MAST4: variants seen among roughly 807,000 people sequenced by gnomAD.
The protein encoded by MAST4 is microtubule associated serine/threonine kinase family member 4.
A neutral mutation model predicts 162.7 loss-of-function variants in MAST4; 89 were observed. The ratio of observed to expected loss-of-function variants is 0.55; its 90% CI spans 0.46 to 0.65. The LOEUF (loss-of-function observed/expected upper bound fraction) is 0.65. MAST4 is among the 30% of genes least tolerant of loss of function. The pLI, the probability that MAST4 is intolerant of heterozygous loss-of-function variation, is 0.00. For synonymous variants in MAST4, 1,479 were observed against 1,361.1 expected, an observed-to-expected ratio of 1.09 and a Z score of -1.91; for missense variants, 3,153 against 3,374.0, an observed-to-expected ratio of 0.93 and a Z score of 1.62.
intron 1 of MAST4, among the ~76,000 whole-genome samples, chr5:66,756,975 A>C (rs1753578080): frequency 6.6e-6 from 1 of 152,228 alleles, no homozygotes; most frequent in South Asian, 2.1e-4. Flanking sequence ...TTGTGGACTA[A>C]CAGCTCATGT....
At chr5:67,149,766 G>A (rs1771577498) in intron 24 of MAST4, among the ~76,000 whole-genome samples, 177 bp downstream of exon 24, 1 of 152,214 alleles carries the variant, frequency 6.6e-6, no homozygotes. Flanking sequence ...TGCAGGATTT[G>A]TAGGGCCGCC....
chr5:66,791,674 G>A (rs924576650), intron 3 of MAST4, among the ~76,000 whole-genome samples: 1 of 152,148 alleles, frequency 6.6e-6, no homozygotes, highest in African/African-American at 2.4e-5. Context: ...TATTTCTGTT[G>A]TTGTTATTGT....
At chr5:66,853,487 C>T (rs1020576537) in intron 3 of MAST4, among the ~76,000 whole-genome samples, 2 of 152,050 alleles carry the variant, frequency 1.3e-5, no homozygotes, top group South Asian at 4.1e-4. Flanking sequence ...GGGTTTGTCC[C>T]TTCTTGTTAG....
Position 67,090,157 on chromosome 5 carries a change from T to C in MAST4, c.764-5T>C, listed in dbSNP as rs1169198482. 3 of 1,601,792 alleles carry C rather than the reference T, an allele frequency of 1.9e-6. No homozygotes were observed. Among genetic ancestry groups the C allele is most frequent in the Non-Finnish European group, 2.6e-6 (3 of 1,169,600 alleles). Reference sequence around the variant, plus strand: ...AGTAAATTTCTCTCTTTTCTCTTTCTCTAGGAAATAGCCCTCAAGATAGTC... The same window carrying C: ...AGTAAATTTCTCTCTTTTCTCTTTCCCTAGGAAATAGCCCTCAAGATAGTC... On this transcript the variant is annotated splice_region_variant and splice_polypyrimidine_tract_variant and intron_variant, in intron 5 of 28. Coordinates refer to ENST00000403625, the MANE Select transcript of MAST4 (RefSeq NM_001164664.2).
chr5:67,002,736 C>T (rs562452041), intron 4 of MAST4, among the ~76,000 whole-genome samples: 1 of 151,926 alleles, frequency 6.6e-6, no homozygotes, highest in East Asian at 1.9e-4. Flanking sequence ...TATTATGGAC[C>T]CCATATTGCA....
intron 3 of MAST4, among the ~76,000 whole-genome samples, chr5:66,878,845 C>T (rs545304774): frequency 4.6e-5 from 7 of 152,214 alleles, no homozygotes; most frequent in Non-Finnish European, 8.8e-5. Flanking sequence ...TTTTTGTCTC[C>T]GTTGGCTTTA....
chr5:66,603,103 G>C (rs117522079), intron 1 of MAST4, among the ~76,000 whole-genome samples: 1 of 152,308 alleles, frequency 6.6e-6, no homozygotes, highest in East Asian at 1.9e-4. Context: ...AAACCTACAA[G>C]TCCCTTGCCT....
chr5:67,120,141 A>G (rs892395503), intron 13 of MAST4, among the ~76,000 whole-genome samples: 5 of 152,138 alleles, frequency 3.3e-5, no homozygotes, highest in African/African-American at 1.2e-4. Flanking sequence ...TGAAGAGGTC[A>G]AGTAGCCTGG....
rs1763880421 is a variant in MAST4 at position 67,091,666 on chromosome 5, T to A, written c.833+1435T>A. ...TTATAAGTAATAAGCAAAATGGAAA[T>A]CTCATGGAGTGCATTTAAACATGAC... On this transcript the variant is annotated intron_variant, in intron 6 of 28. Coordinates refer to ENST00000403625, the MANE Select transcript of MAST4 (RefSeq NM_001164664.2). 2.0e-5 allele frequency among the ~76,000 whole-genome samples: 3 copies of A among 152,158 alleles called. No individual in the cohort carries two copies. In the South Asian group the frequency reaches 6.2e-4, roughly 32 times the overall value.
At chr5:66,614,891 T>C (rs62362271) in intron 1 of MAST4, among the ~76,000 whole-genome samples, 47,603 of 152,004 alleles carry the variant, frequency 0.31, 8,075 homozygotes, top group African/African-American at 0.44. Context: ...CAAGGCATCC[T>C]TTCTGATGCT....
chr5:67,078,153 A>G (rs180891301), intron 5 of MAST4, among the ~76,000 whole-genome samples: 46 of 152,222 alleles, frequency 3.0e-4, no homozygotes, highest in Admixed American at 1.3e-3. Flanking sequence ...TTGGAAAATA[A>G]TTTGGGATTG....
At chr5:67,140,890 A>C (rs1026278602) in intron 19 of MAST4, among the ~76,000 whole-genome samples, 4 of 152,194 alleles carry the variant, frequency 2.6e-5, no homozygotes, top group African/African-American at 9.7e-5. Flanking sequence ...ATTCTAATTA[A>C]GTGTTTTATA....
At chr5:66,788,591 A>ACCCCCCCCCC in intron 2 of MAST4, 79 bp from the exon 3 acceptor site, 1 of 618,924 alleles carries the variant, frequency 1.6e-6, no homozygotes, top group Non-Finnish European at 2.9e-6. Context: ...AGGAAGAGAC[A>ACCCCCCCCCC]CCCCACCCCC....
chr5:67,034,559 T>G (rs1025039200), intron 4 of MAST4, among the ~76,000 whole-genome samples: 1 of 152,164 alleles, frequency 6.6e-6, no homozygotes, highest in South Asian at 2.1e-4. Context: ...TAACAGATAA[T>G]TCAGTCCATC....
chr5:66,814,849 T>G (rs967008915), intron 3 of MAST4, among the ~76,000 whole-genome samples: 2 of 152,094 alleles, frequency 1.3e-5, no homozygotes, highest in South Asian at 2.1e-4. Flanking sequence ...CCTAGAGATT[T>G]TTTTTTTCCC....
intron 4 of MAST4, among the ~76,000 whole-genome samples, chr5:67,033,987 C>T (rs1430975683): frequency 6.6e-6 from 1 of 152,146 alleles, no homozygotes; most frequent in Non-Finnish European, 1.5e-5. Context: ...AGAAGCCCTT[C>T]ACAGCAGCTT....
intron 3 of MAST4, among the ~76,000 whole-genome samples, chr5:66,816,174 C>T (rs187271272): frequency 1.8e-4 from 28 of 152,186 alleles, no homozygotes. Flanking sequence ...TGAATGCAGC[C>T]TAACACAAAT....
At chr5:67,134,346 C>CT (rs1769359043) in intron 17 of MAST4, among the ~76,000 whole-genome samples, 177 bp from the exon 18 acceptor site, 1 of 152,104 alleles carries the variant, frequency 6.6e-6, no homozygotes, top group Non-Finnish European at 1.5e-5. Context: ...GGTAATAATT[C>CT]TTTTCGTTGG....
intron 10 of MAST4, among the ~76,000 whole-genome samples, chr5:67,107,209 G>T (rs987519731): frequency 6.6e-6 from 1 of 152,174 alleles, no homozygotes; most frequent in African/African-American, 2.4e-5. Flanking sequence ...CCCTGAAAAG[G>T]GTAGGATTGC....
Sources: allele counts gnomAD v4.1 joint callset (sites outside exome capture counted in the v4.1 genomes callset), GRCh38; gene constraint gnomAD v4.1.1; transcripts MANE v1.5; gene names NCBI Gene and HGNC (gene_info 2026-07-23, HGNC 2026-07-21).